The following NOS1 variants were observed in gnomAD, a reference collection of about 807,000 sequenced individuals.
NOS1 encodes the protein nitric oxide synthase 1.
In NOS1, 51 loss-of-function variants were observed where a neutral mutation model predicts 164.5. The observed-to-expected ratio is 0.31, with a 90% confidence interval of 0.25 to 0.39. The LOEUF is 0.39. Among genes scored for constraint, NOS1 ranks in the 10% least tolerant of loss-of-function variants. NOS1 has a pLI of 1.00. For synonymous variants in NOS1, 719 were observed against 745.8 expected, an observed-to-expected ratio of 0.96 and a Z score of 0.59; for missense variants, 1,362 against 1,885.6, an observed-to-expected ratio of 0.72 and a Z score of 5.14.
chr12:117,329,690 A>C (rs1875432824), intron 2 of NOS1, among the ~76,000 whole-genome samples: 1 of 152,168 alleles, frequency 6.6e-6, no homozygotes, highest in Non-Finnish European at 1.5e-5. Context: ...TTAATCTGGC[A>C]AACACAGAGG....
intron 25 of NOS1, 86 bp from the exon 26 acceptor site, chr12:117,222,949 C>A: frequency 6.8e-7 from 1 of 1,479,548 alleles, no homozygotes; most frequent in Non-Finnish European, 9.2e-7. Flanking sequence ...GGTACTGAGA[C>A]CTTAGCGTGT....
rs571218784 is a variant in NOS1, at chr12:117,335,233, AG to A, written c.-420-3745del. 4.5e-3 allele frequency among the ~76,000 whole-genome samples: 690 copies of A among 152,160 alleles called. 8 individuals carry two copies. The highest frequency in any genetic ancestry group is 0.016 in the African/African-American group (659 of 41,522). ...AAAGGTACTTCAGGCGCCATGTAGAAGGGGGCCCTTCCCTTGAAATCACACC... is the reference window on the plus strand; with the variant it reads ...AAAGGTACTTCAGGCGCCATGTAGAAGGGGCCCTTCCCTTGAAATCACACC... On this transcript the variant is annotated intron_variant, in intron 1 of 28. Coordinates refer to ENST00000317775, the MANE Select transcript of NOS1 (RefSeq NM_000620.5).
chr12:117,262,107 C>G (rs1026281173), intron 13 of NOS1, among the ~76,000 whole-genome samples: 2 of 152,202 alleles, frequency 1.3e-5, no homozygotes, highest in Non-Finnish European at 2.9e-5. Context: ...AAACCGCCCA[C>G]GATGCAGGAA....
In NOS1 at chr12:117,208,363, G is replaced by A; in HGVS notation, c.*6946C>T. Reference sequence around the variant, plus strand: ...GATTAGCAGCATTGAGAGCTCAGAGGTAGGGGGGACGGCCGAGTTTCTGAC... The same window carrying A: ...GATTAGCAGCATTGAGAGCTCAGAGATAGGGGGGACGGCCGAGTTTCTGAC... On this transcript the variant is annotated 3_prime_UTR_variant, in exon 29 of 29. Coordinates refer to ENST00000317775, the MANE Select transcript of NOS1 (RefSeq NM_000620.5). The A allele has an allele frequency of 7.9e-7, 1 of 1,264,032 alleles. No homozygotes were observed. The highest frequency in any genetic ancestry group is 1.0e-6 in the Non-Finnish European group (1 of 982,396). 78.3% of individuals were successfully genotyped at this position (1,264,032 alleles called of 1,614,324 possible).
chr12:117,309,304 G>C, intron 3 of NOS1: 1 of 980,630 alleles, frequency 1.0e-6, no homozygotes, highest in Non-Finnish European at 1.2e-6. Flanking sequence ...GTGGGACCAT[G>C]GGTCTGACCT....
At chr12:117,349,657 C>G (rs1158403336) in intron 1 of NOS1, among the ~76,000 whole-genome samples, 1 of 152,182 alleles carries the variant, frequency 6.6e-6, no homozygotes, top group Admixed American at 6.5e-5. Context: ...GAAACCTGTG[C>G]TTATACAGGC....
At chr12:117,343,358 A>G (rs1876205546) in intron 1 of NOS1, among the ~76,000 whole-genome samples, 1 of 152,216 alleles carries the variant, frequency 6.6e-6, no homozygotes, top group Non-Finnish European at 1.5e-5. Flanking sequence ...TCTTTCATGA[A>G]TAGTAATAAT....
chr12:117,301,772 G>A (rs1873829023), intron 3 of NOS1, among the ~76,000 whole-genome samples: 1 of 152,212 alleles, frequency 6.6e-6, no homozygotes, highest in Non-Finnish European at 1.5e-5. Context: ...GGGAGGAGAT[G>A]CAGCCTTGTC....
chr12:117,295,538 G>T (rs932286146), intron 3 of NOS1, among the ~76,000 whole-genome samples: 1 of 151,864 alleles, frequency 6.6e-6, no homozygotes, highest in African/African-American at 2.4e-5. Context: ...CTGATGTAAA[G>T]GGTTGAATTC....
Position 117,237,899 on chromosome 12 carries a change from G to A in NOS1, c.3042-3141C>T, listed in dbSNP as rs61239211. Among the ~76,000 whole-genome samples, 87 of 152,220 alleles carry A rather than the reference G, an allele frequency of 5.7e-4. 1 individual carries two copies. The East Asian group carries it at 0.015, about 26-fold the overall frequency. On this transcript the variant is annotated intron_variant, in intron 20 of 28. Transcript: ENST00000317775. ...TGGGGTTGGTGATGTGGACGAGTGG[G>A]TGGTGATGGGTTGAGGGGAGCAGGC...
chr12:117,356,727 CCT>C lies in NOS1; in HGVS notation c.-421+4783_-421+4784del, dbSNP rs372840203. Among the ~76,000 whole-genome samples, 19 of 152,318 alleles carry C rather than the reference CCT, an allele frequency of 1.2e-4. No individual in the cohort carries two copies. In the East Asian group the frequency reaches 3.5e-3, roughly 28 times the overall value. On this transcript the variant is annotated intron_variant, in intron 1 of 28. Transcript: ENST00000317775. This position sits in a 1 kb window ranked among gnomAD's most constrained non-coding sequence, Gnocchi z 4.2. ...GTGCCAAGACCCATGTCCACTATACCCTGTTAACCATACTTGAATTAGAGACT... is the reference window on the plus strand; with the variant it reads ...GTGCCAAGACCCATGTCCACTATACCGTTAACCATACTTGAATTAGAGACT...
intron 26 of NOS1, among the ~76,000 whole-genome samples, chr12:117,221,940 G>T (rs9658526): frequency 0.013 from 1,910 of 151,318 alleles, 43 homozygotes; most frequent in African/African-American, 0.044. Context: ...GATTACAGGC[G>T]TGAGTCACGG....
At chr12:117,349,282 G>A (rs2136092019) in intron 1 of NOS1, among the ~76,000 whole-genome samples, 1 of 152,304 alleles carries the variant, frequency 6.6e-6, no homozygotes, top group East Asian at 1.9e-4. Context: ...CCATGTTACA[G>A]CATAGATCAG....
At chr12:117,248,212 A>T (rs1592949065) in intron 17 of NOS1, among the ~76,000 whole-genome samples, 1 of 151,320 alleles carries the variant, frequency 6.6e-6, no homozygotes, top group Non-Finnish European at 1.5e-5. Context: ...TATTATTATT[A>T]TACTTTAAGT....
intron 3 of NOS1, among the ~76,000 whole-genome samples, chr12:117,297,142 C>A (rs1873470070): frequency 6.6e-6 from 1 of 152,226 alleles, no homozygotes; most frequent in African/African-American, 2.4e-5. Flanking sequence ...GTGATCTTAT[C>A]TCAGCTGGAT....
intron 1 of NOS1, among the ~76,000 whole-genome samples, chr12:117,359,168 C>T (rs1047230794): frequency 6.7e-6 from 1 of 150,330 alleles, no homozygotes; most frequent in Non-Finnish European, 1.5e-5. Context: ...CAGGGCGCTT[C>T]TGAAATCCAG....
chr12:117,229,777 C>A (rs969222433), intron 22 of NOS1, among the ~76,000 whole-genome samples: 9 of 152,160 alleles, frequency 5.9e-5, no homozygotes, highest in Admixed American at 5.9e-4. Flanking sequence ...TTAGTAGAGA[C>A]GGGGTTTCAC....
At chr12:117,273,828 G>A (rs975856294) in intron 9 of NOS1, among the ~76,000 whole-genome samples, 3 of 152,008 alleles carry the variant, frequency 2.0e-5, no homozygotes, top group Admixed American at 6.6e-5. Flanking sequence ...TTCATCATGT[G>A]CTGTTTTTTA....
intron 3 of NOS1, among the ~76,000 whole-genome samples, chr12:117,292,760 T>C (rs151334313): frequency 6.0e-4 from 92 of 152,204 alleles, no homozygotes; most frequent in Middle Eastern, 3.4e-3. Flanking sequence ...ATTTAACACA[T>C]GTTTATTGAG....
Sources: gnomAD v4.1 joint callset for allele counts (sites outside exome capture counted in the v4.1 genomes callset) on GRCh38, gnomAD v4.1.1 for gene constraint, Gnocchi (gnomAD v3.1) non-coding constraint, MANE v1.5 for transcripts, NCBI Gene and HGNC (gene_info 2026-07-23, HGNC 2026-07-21) for gene names.